API5: variants seen among roughly 807,000 people sequenced by gnomAD.
API5 encodes apoptosis inhibitor 5, also known as FIF.
In API5, 6 loss-of-function variants were observed where a neutral mutation model predicts 71.9. That is an observed-to-expected ratio of 0.08 (90% CI 0.05 to 0.16). API5 has a LOEUF of 0.16. API5 is among the 10% of genes least tolerant of loss of function. The pLI, the probability that API5 is intolerant of heterozygous loss-of-function variation, is 1.00. For missense variants in API5, 332 were observed against 612.8 expected (o/e 0.54, Z 4.84); for synonymous variants, 189 against 221.3 (o/e 0.85, Z 1.30).
chr11:43,313,474 G>T (rs1854561212), intron 1 of API5, among the ~76,000 whole-genome samples: 1 of 152,108 alleles, frequency 6.6e-6, no homozygotes, highest in South Asian at 2.1e-4. Flanking sequence ...TTCTGCTTAC[G>T]CATCCCTTCT....
chr11:43,314,135 A>G (rs1035586255), intron 1 of API5, among the ~76,000 whole-genome samples: 5 of 152,146 alleles, frequency 3.3e-5, no homozygotes, highest in African/African-American at 1.2e-4. Context: ...TGTGTGGTCA[A>G]TCAGTTTGAA....
Position 43,330,539 on chromosome 11 carries a change from C to A in API5, c.1253C>A (p.Thr418Lys). Reference sequence around the variant, plus strand: ...ATTAAAGTCGTTGCATTGAAAATAACAAACAATATCAATGTTTTAATCAAG... The same window carrying A: ...ATTAAAGTCGTTGCATTGAAAATAAAAAACAATATCAATGTTTTAATCAAG... ...NKIKVVALKI[T>K]NNINVLIKDL... Residue 418 changes from threonine (T) to lysine (K), a missense_variant, in exon 11 of 14, where the codon ACA becomes AAA. By Grantham distance (78) the Thr-to-Lys change is moderately conservative. Around this residue, in one of 3 missense-constraint regions of API5, gnomAD observed 168 missense variants for 343.9 expected, o/e 0.49. Coordinates refer to ENST00000531273, the MANE Select transcript of API5 (RefSeq NM_001142930.2). The A allele has an allele frequency of 6.3e-7, 1 of 1,597,778 alleles. No homozygotes were observed. Among genetic ancestry groups the A allele is most frequent in the East Asian group, 2.2e-5 (1 of 44,624 alleles).
chr11:43,344,275 T>A lies in API5; in HGVS notation c.*1765T>A, dbSNP rs1565117779. On this transcript the variant is annotated 3_prime_UTR_variant, in exon 14 of 14. Coordinates refer to ENST00000531273, the MANE Select transcript of API5 (RefSeq NM_001142930.2). Reference sequence around the variant, plus strand: ...ACCACTTTTTGTCTTTATAAGCATATTTGTAAACTCAGAACTGAGCAGAAG... The same window carrying A: ...ACCACTTTTTGTCTTTATAAGCATAATTGTAAACTCAGAACTGAGCAGAAG... The A allele has an allele frequency of 6.5e-6, 1 of 152,734 alleles. No individual in the cohort carries two copies. The highest frequency in any genetic ancestry group is 1.5e-5 in the Non-Finnish European group (1 of 68,028). 9.5% of individuals were successfully genotyped at this position (152,734 alleles called of 1,614,324 possible). A position where few individuals can be genotyped will look rare whatever the true frequency, so the allele number is the denominator to read the frequency against.
At position 43,335,839 on chromosome 11, in the gene API5, C is replaced by T; in HGVS notation, c.1356-19C>T. On this transcript the variant is annotated intron_variant, in intron 12 of 13. Transcript: ENST00000531273. ...CTTAATAGAATGTTTTTGAATTGCT[C>T]TTCTTCCTATTGTTACAGGCAAAAG... 1 of 1,586,212 alleles carries T rather than the reference C, an allele frequency of 6.3e-7. No homozygotes were observed. Among genetic ancestry groups the T allele is most frequent in the Non-Finnish European group, 8.5e-7 (1 of 1,171,690 alleles).
At position 43,331,548 on chromosome 11, in the gene API5, CTTG is replaced by C. The variant is rs544982318; in HGVS notation, c.1278+989_1278+991del. ...GTGGATTATCACAAAGGTCTTCATC[CTTG>C]TTGTCTTCACATTTAGTAGGTGGAG... On this transcript the variant is annotated intron_variant, in intron 11 of 13. Coordinates refer to ENST00000531273, the MANE Select transcript of API5 (RefSeq NM_001142930.2). 4.6e-3 allele frequency among the ~76,000 whole-genome samples: 707 copies of C among 152,116 alleles called. 1 individual carries two copies. The highest frequency in any genetic ancestry group is 0.016 in the African/African-American group (679 of 41,484).
Position 43,318,812 on chromosome 11 carries a change from G to A in API5, c.231+11G>A. The A allele has an allele frequency of 6.2e-7, 1 of 1,608,360 alleles. No individual in the cohort carries two copies. Among genetic ancestry groups the A allele is most frequent in the Non-Finnish European group, 8.5e-7 (1 of 1,177,840 alleles). ...GATGAAGATGTATCTGTAAGTTTAT[G>A]AATGACACTTCATAGCAATCTTTCA... On this transcript the variant is annotated intron_variant, in intron 2 of 13. Coordinates refer to ENST00000531273, the MANE Select transcript of API5 (RefSeq NM_001142930.2).
At chr11:43,341,784 C>A (rs1337891209) in intron 13 of API5, among the ~76,000 whole-genome samples, 1 of 152,178 alleles carries the variant, frequency 6.6e-6, no homozygotes, top group Non-Finnish European at 1.5e-5. Flanking sequence ...GAGCTGATAA[C>A]TGTACATTCT....
rs1855651093 is a variant in API5 at position 43,342,476 on chromosome 11, C to G, written c.1541C>G (p.Thr514Arg). ...AGTAGAGGTGGCCGAGGTTGGGGCA[C>G]ACGAGGAAATCGTAGTCGGGGAAGA... ...RGSRGGRGWG[T>R]RGNRSRGRLY The change falls in exon 14 of 14, where the codon ACA becomes AGA. Residue 514 changes from threonine to arginine, a missense_variant. Coordinates refer to ENST00000531273, the MANE Select transcript of API5 (RefSeq NM_001142930.2). 6.2e-7 allele frequency: 1 copy of G among 1,612,782 alleles called. No individual in the cohort carries two copies. The highest frequency in any genetic ancestry group is 1.3e-5 in the African/African-American group (1 of 75,010).
chr11:43,327,463 C>T (rs1855112197), intron 7 of API5, among the ~76,000 whole-genome samples: 1 of 152,238 alleles, frequency 6.6e-6, no homozygotes, highest in Non-Finnish European at 1.5e-5. Flanking sequence ...TTAGCACAAT[C>T]ATTAACCTGT....
At chr11:43,331,592 G>T (rs948106263) in intron 11 of API5, among the ~76,000 whole-genome samples, 1 of 152,144 alleles carries the variant, frequency 6.6e-6, no homozygotes, top group South Asian at 2.1e-4. Flanking sequence ...GGAGGGGTTG[G>T]TCTTGTCTCA....
chr11:43,328,998 C>G, intron 9 of API5, 105 bp downstream of exon 9: 1 of 1,136,180 alleles, frequency 8.8e-7, no homozygotes, highest in Admixed American at 2.1e-5. Context: ...CCTGCCTTAC[C>G]CCAGTGATAC....
chr11:43,324,294 A>G (rs1854996542), intron 6 of API5, among the ~76,000 whole-genome samples: 1 of 152,198 alleles, frequency 6.6e-6, no homozygotes, highest in African/African-American at 2.4e-5. Flanking sequence ...CTGGGATTAC[A>G]GGTGTGAGCC....
At chr11:43,325,837 T>C (rs1198005974) in intron 6 of API5, among the ~76,000 whole-genome samples, 1 of 152,128 alleles carries the variant, frequency 6.6e-6, no homozygotes, top group African/African-American at 2.4e-5. Context: ...ATGGCAGTTT[T>C]TTGGGATGCT....
At position 43,312,163 on chromosome 11, in the gene API5, C is replaced by T; in HGVS notation, c.36C>T (p.Gly12=). ...PTVEELYRNY[G]ILADATEQVG... Reference sequence around the variant, plus strand: ...TAGAGGAGCTTTACCGCAATTATGGCATCCTGGCCGATGCCACGGAGCAAG... The same window carrying T: ...TAGAGGAGCTTTACCGCAATTATGGTATCCTGGCCGATGCCACGGAGCAAG... The change falls in exon 1 of 14, where the codon GGC becomes GGT. Residue 12 remains glycine, a synonymous_variant. Transcript: ENST00000531273. 6.2e-7 allele frequency: 1 copy of T among 1,613,974 alleles called. No homozygotes were observed. Among genetic ancestry groups the T allele is most frequent in the Non-Finnish European group, 8.5e-7 (1 of 1,179,920 alleles).
chr11:43,330,204 T>C (rs1855207758), intron 10 of API5, 146 bp downstream of exon 10: 1 of 691,560 alleles, frequency 1.4e-6, no homozygotes, highest in Middle Eastern at 2.5e-4. Context: ...ATTTTTATTA[T>C]GTTCCTATAA....
At chr11:43,322,839 A>G (rs1014993953) in intron 5 of API5, among the ~76,000 whole-genome samples, 2 of 152,116 alleles carry the variant, frequency 1.3e-5, no homozygotes, top group African/African-American at 4.8e-5. Flanking sequence ...GTATCAGACT[A>G]TTTTACCTAT....
intron 1 of API5, among the ~76,000 whole-genome samples, chr11:43,315,454 C>A (rs1279105172): frequency 1.3e-5 from 2 of 151,890 alleles, no homozygotes; most frequent in African/African-American, 4.8e-5. Context: ...GTAAGCATTT[C>A]TTTTTCATAG....
intron 1 of API5, among the ~76,000 whole-genome samples, chr11:43,316,651 C>G (rs1296671243): frequency 1.3e-5 from 2 of 152,046 alleles, no homozygotes; most frequent in Non-Finnish European, 2.9e-5. Flanking sequence ...GAGACAGGGT[C>G]TTGCTCTGTC....
intron 1 of API5, among the ~76,000 whole-genome samples, chr11:43,317,043 T>A (rs969193302): frequency 2.8e-4 from 42 of 152,338 alleles, no homozygotes; most frequent in African/African-American, 1.0e-3. Flanking sequence ...AATTTGGTAA[T>A]TCTGTAGTTC....
Sources: allele counts gnomAD v4.1 joint callset (sites outside exome capture counted in the v4.1 genomes callset), GRCh38; gene constraint gnomAD v4.1.1; regional missense constraint gnomAD v4.1.1; transcripts MANE v1.5; gene names NCBI Gene and HGNC (gene_info 2026-07-23, HGNC 2026-07-21).